The following NAPB variants were observed in gnomAD, a reference collection of about 807,000 sequenced individuals.
NAPB encodes the protein beta-soluble NSF attachment protein.
In NAPB, 26 loss-of-function variants were observed where a neutral mutation model predicts 44.7. The observed-to-expected ratio is 0.58, with a 90% CI of 0.43 to 0.81. NAPB has a LOEUF of 0.81. Among genes scored for constraint, NAPB ranks in the 30% least tolerant of loss-of-function variants. NAPB has a pLI of 0.00. For synonymous variants in NAPB, 120 were observed against 116.8 expected, an observed-to-expected ratio of 1.03 and a Z score of -0.18; for missense variants, 315 against 356.4, an observed-to-expected ratio of 0.88 and a Z score of 0.94.
intron 9 of NAPB, 27 bp from the exon 10 acceptor site, chr20:23,379,522 A>G: frequency 6.4e-7 from 1 of 1,565,974 alleles, no homozygotes; most frequent in Non-Finnish European, 8.7e-7. Flanking sequence ...ATTTTAAAAA[A>G]CAGTTCTGTA....
At chr20:23,385,823 C>T (rs2123152632) in intron 7 of NAPB, among the ~76,000 whole-genome samples, 1 of 152,228 alleles carries the variant, frequency 6.6e-6, no homozygotes, top group Non-Finnish European at 1.5e-5. Flanking sequence ...TATTAAAGAA[C>T]TCGACAATGC....
chr20:23,412,674 A>G (rs1985736205), intron 1 of NAPB, among the ~76,000 whole-genome samples: 1 of 152,222 alleles, frequency 6.6e-6, no homozygotes, highest in African/African-American at 2.4e-5. Context: ...ATAACTAGAC[A>G]AGAGGGATCT....
intron 2 of NAPB, among the ~76,000 whole-genome samples, chr20:23,399,645 C>T (rs1160871323): frequency 2.6e-5 from 4 of 152,170 alleles, no homozygotes; most frequent in East Asian, 1.9e-4. Context: ...CCTGCTGGCC[C>T]CTTGTGAATC....
intron 9 of NAPB, 80 bp from the exon 10 acceptor site, chr20:23,379,575 C>A: frequency 9.2e-7 from 1 of 1,084,702 alleles, no homozygotes; most frequent in Non-Finnish European, 1.3e-6. Flanking sequence ...AGTATAATAC[C>A]AATGTTGCCA....
chr20:23,393,133 A>T (rs6048778), intron 5 of NAPB, among the ~76,000 whole-genome samples: 1 of 151,796 alleles, frequency 6.6e-6, no homozygotes, highest in South Asian at 2.1e-4. Flanking sequence ...TCTCCCTCCC[A>T]TTCCATCATC....
chr20:23,401,015 G>C (rs932598344), intron 2 of NAPB, among the ~76,000 whole-genome samples: 3 of 152,086 alleles, frequency 2.0e-5, no homozygotes, highest in Non-Finnish European at 1.5e-5. Context: ...GGAAGGACAA[G>C]ATTGTTATTT....
At chr20:23,384,654 C>A (rs1417795276) in intron 7 of NAPB, among the ~76,000 whole-genome samples, 1 of 151,760 alleles carries the variant, frequency 6.6e-6, no homozygotes, top group Non-Finnish European at 1.5e-5. Flanking sequence ...AAAAGAAAAG[C>A]AACCCATAAA....
At chr20:23,413,191 G>A (rs1392350056) in intron 1 of NAPB, among the ~76,000 whole-genome samples, 3 of 151,650 alleles carry the variant, frequency 2.0e-5, no homozygotes, top group African/African-American at 7.3e-5. Flanking sequence ...AATATATTAA[G>A]TGGCAACGAA....
At chr20:23,410,608 C>T (rs984660033) in intron 1 of NAPB, among the ~76,000 whole-genome samples, 2 of 152,148 alleles carry the variant, frequency 1.3e-5, no homozygotes, top group African/African-American at 4.8e-5. Flanking sequence ...GTGACAGGAT[C>T]ATCTGTACCC....
intron 1 of NAPB, among the ~76,000 whole-genome samples, chr20:23,406,354 T>A (rs376625036): frequency 5.3e-5 from 8 of 152,182 alleles, no homozygotes; most frequent in African/African-American, 1.9e-4. Flanking sequence ...GTGATGAAGA[T>A]GTTCTAAAAC....
chr20:23,399,224 T>C (rs61344818), intron 2 of NAPB, among the ~76,000 whole-genome samples: 12,715 of 152,164 alleles, frequency 0.084, 804 homozygotes, highest in African/African-American at 0.18. Flanking sequence ...GGTAGTGCTA[T>C]GATCTGAATG....
rs75976284 is a variant in NAPB at position 23,386,145 on chromosome 20, T to C, written c.561+3801A>G. On this transcript the variant is annotated intron_variant, in intron 7 of 10. Coordinates refer to ENST00000377026, the MANE Select transcript of NAPB (RefSeq NM_022080.3). ...GAATAAAAATAAAAGTATAATGATATAATAAAATTGGGAAGTAGCCAAATG... is the reference window on the plus strand; with the variant it reads ...GAATAAAAATAAAAGTATAATGATACAATAAAATTGGGAAGTAGCCAAATG... Among the ~76,000 whole-genome samples, 1,350 of 152,168 alleles carry C rather than the reference T, an allele frequency of 8.9e-3. 17 individuals are homozygous for C. The highest frequency in any genetic ancestry group is 1.0e-2 in the Non-Finnish European group (678 of 67,992).
intron 1 of NAPB, among the ~76,000 whole-genome samples, chr20:23,408,342 C>A (rs1443047453): frequency 1.3e-5 from 2 of 152,204 alleles, no homozygotes; most frequent in African/African-American, 4.8e-5. Flanking sequence ...GGGCCTAGCA[C>A]ACAGGCCACA....
intron 2 of NAPB, among the ~76,000 whole-genome samples, chr20:23,398,995 T>C (rs1467662267): frequency 1.4e-5 from 2 of 146,826 alleles, no homozygotes; most frequent in Non-Finnish European, 3.0e-5. Flanking sequence ...GCCGTAAACA[T>C]CCAATTCTGC....
intron 2 of NAPB, among the ~76,000 whole-genome samples, chr20:23,400,417 G>A (rs150081176): frequency 0.013 from 1,993 of 152,284 alleles, 44 homozygotes; most frequent in East Asian, 0.092. Flanking sequence ...TCCGGAGGCT[G>A]AGGCAGGAGA....
intron 2 of NAPB, among the ~76,000 whole-genome samples, chr20:23,400,216 G>T (rs140607747): frequency 5.3e-5 from 8 of 152,106 alleles, no homozygotes; most frequent in Admixed American, 5.2e-4. Context: ...ATGCTAGCTC[G>T]GTCTATCTAA....
At chr20:23,384,147 T>C (rs73303309) in intron 7 of NAPB, among the ~76,000 whole-genome samples, 2,989 of 152,338 alleles carry the variant, frequency 0.02, 67 homozygotes, top group South Asian at 0.085. Flanking sequence ...CAGACTTTTT[T>C]ATATGTGAGT....
At chr20:23,404,003 A>G (rs1221423117) in intron 1 of NAPB, among the ~76,000 whole-genome samples, 1 of 152,118 alleles carries the variant, frequency 6.6e-6, no homozygotes, top group African/African-American at 2.4e-5. Context: ...ACCCTGAGAG[A>G]AGGGTACCTC....
At chr20:23,415,836 C>T (rs548041214) in intron 1 of NAPB, among the ~76,000 whole-genome samples, 1 of 152,052 alleles carries the variant, frequency 6.6e-6, no homozygotes, top group African/African-American at 2.4e-5. Context: ...CATGGTAGTG[C>T]ATGCCTGTAG....
Sources: allele counts gnomAD v4.1 joint callset (sites outside exome capture counted in the v4.1 genomes callset), GRCh38; gene constraint gnomAD v4.1.1; transcripts MANE v1.5; gene names NCBI Gene and HGNC (gene_info 2026-07-23, HGNC 2026-07-21).